Variants in NECTIN3 observed in about 807,000 individuals in gnomAD.
The protein encoded by NECTIN3 is nectin-3.
A neutral mutation model predicts 49.4 loss-of-function variants in NECTIN3; 8 were observed. The observed-to-expected ratio is 0.16, with a 90% confidence interval of 0.10 to 0.29. The LOEUF (loss-of-function observed/expected upper bound fraction) is 0.29, where lower values mean the gene tolerates loss of function less well. NECTIN3 is among the 10% of genes least tolerant of loss of function. The pLI is 1.00. For synonymous variants in NECTIN3, 277 were observed against 241.1 expected, an observed-to-expected ratio of 1.15 and a Z score of -1.38; for missense variants, 581 against 654.6, an observed-to-expected ratio of 0.89 and a Z score of 1.23.
chr3:111,132,367 A>G (rs2034426678), intron 5 of NECTIN3, among the ~76,000 whole-genome samples: 1 of 151,854 alleles, frequency 6.6e-6, no homozygotes, highest in Admixed American at 6.6e-5. Flanking sequence ...CCTGTTCAGT[A>G]AGTATTTTTC....
chr3:111,145,133 T>A, intron 6 of NECTIN3: 1 of 1,333,570 alleles, frequency 7.5e-7, no homozygotes, highest in Non-Finnish European at 1.0e-6. Context: ...ACTTAAGGGA[T>A]AGAAGTAAGG....
chr3:111,089,080 A>G (rs553996420), intron 1 of NECTIN3, among the ~76,000 whole-genome samples: 6 of 152,186 alleles, frequency 3.9e-5, no homozygotes, highest in African/African-American at 4.8e-5. Context: ...CTTTTGACAA[A>G]AAAATTGTTC....
intron 1 of NECTIN3, among the ~76,000 whole-genome samples, chr3:111,081,042 A>G (rs2031570397): frequency 6.6e-6 from 1 of 152,134 alleles, no homozygotes; most frequent in Non-Finnish European, 1.5e-5. Context: ...CTGAGAGGCT[A>G]AGGCAGGAGG....
intron 3 of NECTIN3, among the ~76,000 whole-genome samples, chr3:111,121,088 C>T (rs1200723999): frequency 2.7e-5 from 4 of 149,872 alleles, no homozygotes; most frequent in African/African-American, 7.3e-5. Context: ...CTGCAAGCTC[C>T]GCCTCCCGGG....
intron 2 of NECTIN3, among the ~76,000 whole-genome samples, chr3:111,115,635 C>T (rs867187530): frequency 2.6e-5 from 4 of 152,196 alleles, no homozygotes; most frequent in African/African-American, 7.2e-5. Context: ...GCCTAACTCA[C>T]GGCTGACCTG....
chr3:111,180,369 T>C (rs907081108), intron 7 of NECTIN3, among the ~76,000 whole-genome samples: 4 of 152,238 alleles, frequency 2.6e-5, no homozygotes, highest in African/African-American at 9.6e-5. Context: ...GACATTCATA[T>C]GACTAGCGTA....
intron 1 of NECTIN3, among the ~76,000 whole-genome samples, chr3:111,105,117 G>C (rs1188299323): frequency 6.7e-6 from 1 of 149,446 alleles, no homozygotes; most frequent in Admixed American, 6.7e-5. Flanking sequence ...TTTCTTTTTT[G>C]TTTTCTTTTC....
chr3:111,177,540 G>A (rs2035553825), intron 7 of NECTIN3, among the ~76,000 whole-genome samples: 1 of 152,166 alleles, frequency 6.6e-6, no homozygotes, highest in African/African-American at 2.4e-5. Context: ...GTAGTATGAT[G>A]ATAGGTGATT....
intron 1 of NECTIN3, 108 bp downstream of exon 1, chr3:111,072,285 G>A: frequency 6.9e-7 from 1 of 1,448,998 alleles, no homozygotes; most frequent in South Asian, 1.4e-5. Context: ...GCGGTTGGTT[G>A]TGCGAGCGAG....
intron 1 of NECTIN3, among the ~76,000 whole-genome samples, chr3:111,078,664 T>G: frequency 6.6e-6 from 1 of 152,310 alleles, no homozygotes; most frequent in Non-Finnish European, 1.5e-5. Flanking sequence ...AGATTTGTAC[T>G]CTTGATGATT....
intron 7 of NECTIN3, among the ~76,000 whole-genome samples, chr3:111,157,478 G>C (rs2035121010): frequency 6.6e-6 from 1 of 151,912 alleles, no homozygotes; most frequent in Non-Finnish European, 1.5e-5. Context: ...TTTTTCCACA[G>C]AGCCAAACTC....
rs2035078371 is a variant in NECTIN3 at position 111,155,471 on chromosome 3, A to T, written c.1221+7987A>T. ...GCCTCGCAATTTCAGAGCACCTGGT[A>T]GCTTTCTATATAAAAGCACGATGTT... On this transcript the variant is annotated intron_variant, in intron 7 of 8. Coordinates refer to the NECTIN3 transcript ENST00000493615. Among the ~76,000 whole-genome samples the T allele has an allele frequency of 2.0e-5, 3 of 152,212 alleles. No individual in the cohort carries two copies. The South Asian group carries it at 6.2e-4, about 32-fold the overall frequency.
chr3:111,155,224 G>A (rs931094676), intron 7 of NECTIN3, among the ~76,000 whole-genome samples: 7 of 152,102 alleles, frequency 4.6e-5, no homozygotes, highest in Admixed American at 3.3e-4. Flanking sequence ...GGCGTGAGCC[G>A]CCACGCCCAG....
At chr3:111,090,042 C>G (rs1319186273) in intron 1 of NECTIN3, among the ~76,000 whole-genome samples, 4 of 152,054 alleles carry the variant, frequency 2.6e-5, no homozygotes, top group Admixed American at 2.6e-4. Context: ...TTTACTTTGT[C>G]TAGTTTTCAT....
At chr3:111,112,811 T>G (rs1396890172) in intron 2 of NECTIN3, among the ~76,000 whole-genome samples, 1 of 152,176 alleles carries the variant, frequency 6.6e-6, no homozygotes, top group Non-Finnish European at 1.5e-5. Context: ...ATTCCTGCTA[T>G]TTTAGATTTG....
At chr3:111,147,069 CTA>C (rs2034890979) in intron 6 of NECTIN3, among the ~76,000 whole-genome samples, 1 of 152,096 alleles carries the variant, frequency 6.6e-6, no homozygotes, top group Non-Finnish European at 1.5e-5. Flanking sequence ...TATTGAGACT[CTA>C]AAATGTTGAT....
intron 3 of NECTIN3, among the ~76,000 whole-genome samples, chr3:111,120,751 GTC>G (rs201602539): frequency 2.0e-5 from 3 of 146,852 alleles, no homozygotes; most frequent in Admixed American, 6.9e-5. Flanking sequence ...AAGCTAGAGA[GTC>G]TCTGCATCAT....
Position 111,071,940 on chromosome 3 carries a change from C to A in NECTIN3, c.-78C>A. ...ACGCGCGCGCCGGACCTTCCACAGCCTCCGCCCAGAGCCTGAGGCGCCGGG... is the reference window on the plus strand; with the variant it reads ...ACGCGCGCGCCGGACCTTCCACAGCATCCGCCCAGAGCCTGAGGCGCCGGG... On this transcript the variant is annotated 5_prime_UTR_variant, in exon 1 of 6. Coordinates refer to ENST00000485303, the MANE Select transcript of NECTIN3 (RefSeq NM_015480.3). 9.1e-7 allele frequency: 1 copy of A among 1,102,482 alleles called. No individual in the cohort carries two copies. Among genetic ancestry groups the A allele is most frequent in the Non-Finnish European group, 1.2e-6 (1 of 835,454 alleles). 68.3% of individuals were successfully genotyped at this position (1,102,482 alleles called of 1,614,324 possible).
chr3:111,184,661 AT>A (rs1000569951), intron 7 of NECTIN3, among the ~76,000 whole-genome samples: 1 of 151,968 alleles, frequency 6.6e-6, no homozygotes, highest in Non-Finnish European at 1.5e-5. Context: ...CTATATACTT[AT>A]TTTTTCCCAC....
Sources: allele counts gnomAD v4.1 joint callset (sites outside exome capture counted in the v4.1 genomes callset), GRCh38; gene constraint gnomAD v4.1.1; transcripts MANE v1.5; gene names NCBI Gene and HGNC (gene_info 2026-07-23, HGNC 2026-07-21).